The following PRKAB1 variants were observed in gnomAD, a reference collection of about 807,000 sequenced individuals.
PRKAB1 encodes the protein 5'-AMP-activated protein kinase subunit beta-1.
Under a neutral mutation model 32.0 loss-of-function variants are expected in PRKAB1, and 18 were observed. The ratio of observed to expected loss-of-function variants is 0.56; its 90% confidence interval spans 0.39 to 0.83. The LOEUF is 0.83. Among genes scored for constraint, PRKAB1 ranks in the 40% least tolerant of loss-of-function variants. The pLI is 0.00. For synonymous variants in PRKAB1, 141 were observed against 141.4 expected (o/e 1.00, Z 0.02); for missense variants, 263 against 352.6 (o/e 0.75, Z 2.03).
chr12:119,674,594 A>G lies in PRKAB1; in HGVS notation c.532+140A>G. 1.7e-6 allele frequency: 1 copy of G among 586,000 alleles called. No homozygotes were observed. Among genetic ancestry groups the G allele is most frequent in the Non-Finnish European group, 2.9e-6 (1 of 340,552 alleles). 36.3% of individuals were successfully genotyped at this position (586,000 alleles called of 1,614,324 possible). On this transcript the variant is annotated intron_variant, in intron 4 of 6. Transcript: ENST00000229328. The surrounding 1 kb of genome is among the most constrained non-coding windows in gnomAD (Gnocchi z 4.3). ...TATAGCCCCCACTTAAAGGCCACAG[A>G]ACTTAATTCCTGTCAGGTTGTTGAA...
Position 119,674,085 on chromosome 12 carries a change from T to C in PRKAB1, c.417+28T>C. 6.3e-7 allele frequency: 1 copy of C among 1,593,510 alleles called. No homozygotes were observed. Among genetic ancestry groups the C allele is most frequent in the South Asian group, 1.1e-5 (1 of 89,970 alleles). On this transcript the variant is annotated intron_variant, in intron 3 of 6. Transcript: ENST00000229328. This position sits in a 1 kb window ranked among gnomAD's most constrained non-coding sequence, Gnocchi z 4.3. ...ACTCTTCCTCCCACCTCTGGTCCTCTGGGTGCCCGCACATTCCAAACAAAT... is the reference window on the plus strand; with the variant it reads ...ACTCTTCCTCCCACCTCTGGTCCTCCGGGTGCCCGCACATTCCAAACAAAT...
At chr12:119,668,983 G>A (rs1208044847) in intron 1 of PRKAB1, among the ~76,000 whole-genome samples, 3 of 151,796 alleles carry the variant, frequency 2.0e-5, no homozygotes, top group East Asian at 3.9e-4. Flanking sequence ...CGGGCGTGGT[G>A]GCGGGCGCCT....
At chr12:119,675,079 A>C (rs117974372) in intron 4 of PRKAB1, among the ~76,000 whole-genome samples, 2,731 of 152,368 alleles carry the variant, frequency 0.018, 30 homozygotes, top group South Asian at 0.033. Context: ...CAAGCCCCAC[A>C]GGAAGAAACT....
At chr12:119,675,447 T>C (rs1368195841) in intron 4 of PRKAB1, among the ~76,000 whole-genome samples, 2 of 152,210 alleles carry the variant, frequency 1.3e-5, no homozygotes, top group Non-Finnish European at 2.9e-5. Context: ...TATCATCTAG[T>C]TTTTTTGCAG....
chr12:119,679,685 G>A lies in PRKAB1; in HGVS notation c.667-248G>A, dbSNP rs938742153. The A allele has an allele frequency of 2.0e-5, 10 of 505,066 alleles. No individual in the cohort carries two copies. The highest frequency in any genetic ancestry group is 6.1e-5 in the South Asian group (3 of 49,544). The allele number at this position is 505,066 out of a possible 1,614,324, so 31.3% of individuals were successfully genotyped here. On this transcript the variant is annotated intron_variant, in intron 5 of 6. Coordinates refer to ENST00000229328, the MANE Select transcript of PRKAB1 (RefSeq NM_006253.5). This position sits in a 1 kb window ranked among gnomAD's most constrained non-coding sequence, Gnocchi z 4.1. ...CCGTGGCCCACACTTGAAAGAGGCC[G>A]GGGTAAATGCCTGGCCAGAGACACA...
chr12:119,677,516 G>A (rs984454120), intron 5 of PRKAB1: 1 of 152,386 alleles, frequency 6.6e-6, no homozygotes, highest in Non-Finnish European at 1.5e-5. Context: ...CCTGCAGCTG[G>A]GTAGCCATCC....
In PRKAB1 at chr12:119,674,957, C is replaced by G. The variant is rs974596456; in HGVS notation, c.532+503C>G. Reference sequence around the variant, plus strand: ...TCCCCACGGGAAACAGCCTGCACAGCCCAACTCTCCTTGATGGGAAGCTAT... The same window carrying G: ...TCCCCACGGGAAACAGCCTGCACAGGCCAACTCTCCTTGATGGGAAGCTAT... On this transcript the variant is annotated intron_variant, in intron 4 of 6. Coordinates refer to ENST00000229328, the MANE Select transcript of PRKAB1 (RefSeq NM_006253.5). The surrounding 1 kb of genome is among the most constrained non-coding windows in gnomAD (Gnocchi z 4.3). Among the ~76,000 whole-genome samples the G allele has an allele frequency of 6.6e-6, 1 of 152,248 alleles. No homozygotes were observed. The highest frequency in any genetic ancestry group is 1.5e-5 in the Non-Finnish European group (1 of 68,050).
At chr12:119,671,471 A>T (rs758849450) in intron 1 of PRKAB1, 2 of 419,354 alleles carry the variant, frequency 4.8e-6, no homozygotes, top group South Asian at 3.4e-5. Context: ...ACTTACAATC[A>T]TGGTAAAAGG....
In PRKAB1 at chr12:119,680,928, A is replaced by T. The variant is rs760485756; in HGVS notation, c.*603A>T. ...GGTTTTACAATTGTTTCTTACAGTC[A>T]TGTGCACTAAGTACTCTTTTTGTAA... On this transcript the variant is annotated 3_prime_UTR_variant, in exon 7 of 7. Coordinates refer to ENST00000229328, the MANE Select transcript of PRKAB1 (RefSeq NM_006253.5). 3 of 152,968 alleles carry T rather than the reference A, an allele frequency of 2.0e-5. No individual in the cohort carries two copies. Among genetic ancestry groups the T allele is most frequent in the African/African-American group, 4.8e-5 (2 of 41,444 alleles). The allele number at this position is 152,968 out of a possible 1,614,324, so 9.5% of individuals were successfully genotyped here.
chr12:119,680,105 C>T (rs1259508098), intron 6 of PRKAB1, 104 bp downstream of exon 6: 1 of 1,500,270 alleles, frequency 6.7e-7, no homozygotes, highest in Non-Finnish European at 9.3e-7. Context: ...GGGCAGCTTC[C>T]AGGGTCTGGC....
At position 119,680,843 on chromosome 12, in the gene PRKAB1, T is replaced by C. The variant is rs1256725231; in HGVS notation, c.*518T>C. On this transcript the variant is annotated 3_prime_UTR_variant, in exon 7 of 7. Transcript: ENST00000229328. The stretch of plus-strand genomic sequence containing the variant: ...CCTTCAAAATCAACAACAGATTGTC[T>C]CTCGGCTCCAGGGAGGTGTCATTTC... 6.5e-6 allele frequency: 1 copy of C among 153,508 alleles called. No homozygotes were observed. The highest frequency in any genetic ancestry group is 6.5e-5 in the Admixed American group (1 of 15,472). The allele number at this position is 153,508 out of a possible 1,614,324, so 9.5% of individuals were successfully genotyped here. A position where few individuals can be genotyped will look rare whatever the true frequency, so the allele number is the denominator to read the frequency against.
chr12:119,679,816 A>T lies in PRKAB1; in HGVS notation c.667-117A>T. The T allele has an allele frequency of 9.0e-7, 1 of 1,113,092 alleles. No homozygotes were observed. The highest frequency in any genetic ancestry group is 1.4e-6 in the Non-Finnish European group (1 of 734,222). 69.0% of individuals were successfully genotyped at this position (1,113,092 alleles called of 1,614,324 possible). ...AAGCCCTTGCGCTGCCTGATTTGGGAAGAGAGGTCGGCCTGAGCGCTGCCT... is the reference window on the plus strand; with the variant it reads ...AAGCCCTTGCGCTGCCTGATTTGGGTAGAGAGGTCGGCCTGAGCGCTGCCT... On this transcript the variant is annotated intron_variant, in intron 5 of 6. Transcript: ENST00000229328. The surrounding 1 kb of genome is among the most constrained non-coding windows in gnomAD (Gnocchi z 4.1).
intron 1 of PRKAB1, chr12:119,671,480 G>A (rs1377700649): frequency 2.7e-6 from 1 of 374,656 alleles, no homozygotes; most frequent in Non-Finnish European, 5.5e-6. Flanking sequence ...CATGGTAAAA[G>A]GCACCTCTTC....
chr12:119,672,368 A>G lies in PRKAB1; in HGVS notation c.227A>G (p.Gln76Arg). 1 of 1,613,232 alleles carries G rather than the reference A, an allele frequency of 6.2e-7. No homozygotes were observed. Among genetic ancestry groups the G allele is most frequent in the Non-Finnish European group, 8.5e-7 (1 of 1,179,654 alleles). Residue 76 changes from glutamine to arginine, a missense_variant, in exon 2 of 7, where the codon CAG becomes CGG. By Grantham distance (43) the Gln-to-Arg change is conservative. Coordinates refer to ENST00000229328, the MANE Select transcript of PRKAB1 (RefSeq NM_006253.5). ...GAAGTGAATGATAAAGCTCCCGCCC[A>G]GGCTCGGCCAACGGTGTTTCGATGG... ...DLEVNDKAPAQARPTVFRWTG... is the reference protein window; with the variant it reads ...DLEVNDKAPARARPTVFRWTG...
chr12:119,675,276 T>A (rs2136856097), intron 4 of PRKAB1, among the ~76,000 whole-genome samples: 1 of 152,342 alleles, frequency 6.6e-6, no homozygotes, highest in East Asian at 1.9e-4. Flanking sequence ...CATCATTGTC[T>A]AGTTAGGCCT....
intron 1 of PRKAB1, among the ~76,000 whole-genome samples, chr12:119,668,851 A>G (rs1955361339): frequency 6.6e-6 from 1 of 152,238 alleles, no homozygotes; most frequent in African/African-American, 2.4e-5. Context: ...CAAACCAGGT[A>G]CATATACAAG....
At position 119,680,426 on chromosome 12, in the gene PRKAB1, C is replaced by A; in HGVS notation, c.*101C>A. ...AATGGACTGTACATTGCTCATTTCA[C>A]ACTCTTCAGAAGACATTTCATACCT... On this transcript the variant is annotated 3_prime_UTR_variant, in exon 7 of 7. Coordinates refer to ENST00000229328, the MANE Select transcript of PRKAB1 (RefSeq NM_006253.5). 1.6e-6 allele frequency: 2 copies of A among 1,218,946 alleles called. No homozygotes were observed. Among genetic ancestry groups the A allele is most frequent in the Non-Finnish European group, 1.2e-6 (1 of 845,664 alleles). The allele number at this position is 1,218,946 out of a possible 1,614,324, so 75.5% of individuals were successfully genotyped here. A position where few individuals can be genotyped will look rare whatever the true frequency, so the allele number is the denominator to read the frequency against.
intron 1 of PRKAB1, 65 bp from the exon 2 acceptor site, chr12:119,672,236 T>C: frequency 1.4e-6 from 2 of 1,397,168 alleles, no homozygotes; most frequent in South Asian, 3.1e-5. Flanking sequence ...TTAGAATGAA[T>C]TGTCAATATT....
intron 5 of PRKAB1, chr12:119,677,452 A>G (rs1209240529): frequency 6.6e-6 from 1 of 152,296 alleles, no homozygotes; most frequent in South Asian, 2.1e-4. Flanking sequence ...GTTACCCTAC[A>G]GGGTACCCAA....
Sources: allele counts gnomAD v4.1 joint callset (sites outside exome capture counted in the v4.1 genomes callset), GRCh38; gene constraint gnomAD v4.1.1; non-coding constraint Gnocchi (gnomAD v3.1); transcripts MANE v1.5; gene names NCBI Gene and HGNC (gene_info 2026-07-23, HGNC 2026-07-21).